ANKRD28: variants seen among roughly 807,000 people sequenced by gnomAD.
ANKRD28 encodes the protein ankyrin repeat domain 28.
In ANKRD28, 44 loss-of-function variants were observed where a neutral mutation model predicts 126.5. The ratio of observed to expected loss-of-function variants is 0.35; its 90% CI spans 0.27 to 0.45. The LOEUF is 0.45. Ranked by LOEUF, ANKRD28 falls within the 20% of genes least tolerant of loss-of-function variation. The pLI is 1.00. For missense variants in ANKRD28, 1,110 were observed against 1,316.6 expected, an observed-to-expected ratio of 0.84 and a Z score of 2.43; for synonymous variants, 442 against 468.5, an observed-to-expected ratio of 0.94 and a Z score of 0.73.
chr3:15,751,398 T>C (rs753344627), intron 4 of ANKRD28, among the ~76,000 whole-genome samples: 1 of 152,182 alleles, frequency 6.6e-6, no homozygotes, highest in Non-Finnish European at 1.5e-5. Context: ...TATTATACAC[T>C]GATGAGATTC....
rs2072225813 is a variant in ANKRD28 at position 15,711,196 on chromosome 3, A to G, written c.1337+15T>C. The G allele has an allele frequency of 1.3e-6, 2 of 1,599,658 alleles. No individual in the cohort carries two copies. Among genetic ancestry groups the G allele is most frequent in the South Asian group, 1.1e-5 (1 of 88,372 alleles). On this transcript the variant is annotated intron_variant, in intron 12 of 27. Transcript: ENST00000683139. ...GCTATCTTTTCTTAAAGAAATAAAA[A>G]TACTATTAACATACCCTCCAGCTGC...
chr3:15,700,977 T>A (rs1318729012), intron 14 of ANKRD28, among the ~76,000 whole-genome samples: 2 of 152,194 alleles, frequency 1.3e-5, no homozygotes, highest in African/African-American at 4.8e-5. Context: ...AATTATTCAG[T>A]GATAATTTGT....
intron 17 of ANKRD28, among the ~76,000 whole-genome samples, chr3:15,693,990 C>G (rs1480383948): frequency 6.6e-6 from 1 of 152,086 alleles, no homozygotes; most frequent in Non-Finnish European, 1.5e-5. Context: ...AAGCATTTTA[C>G]TAAAAATCAT....
In ANKRD28 at chr3:15,677,379, A is replaced by C. The variant is rs116098782; in HGVS notation, c.2790+101T>G. On this transcript the variant is annotated intron_variant, in intron 25 of 27. Coordinates refer to ENST00000683139, the MANE Select transcript of ANKRD28 (RefSeq NM_001349278.2). ...GAAATCTAATACCAGTGATCATTAG[A>C]GAGGTTTGGTCCTGAGTTGTTCATT... 1.8e-4 allele frequency: 145 copies of C among 792,882 alleles called. No individual in the cohort carries two copies. In the African/African-American group the frequency reaches 2.3e-3, roughly 13 times the overall value. The allele number at this position is 792,882 out of a possible 1,614,324, so 49.1% of individuals were successfully genotyped here. A position where few individuals can be genotyped will look rare whatever the true frequency, so the allele number is the denominator to read the frequency against.
chr3:15,760,320 A>G (rs572384260), intron 3 of ANKRD28, among the ~76,000 whole-genome samples: 1 of 152,312 alleles, frequency 6.6e-6, no homozygotes, highest in East Asian at 1.9e-4. Context: ...ACACCTGCGC[A>G]TGTACTCCTG....
At chr3:15,807,425 C>T (rs992297549) in intron 1 of ANKRD28, among the ~76,000 whole-genome samples, 1 of 152,120 alleles carries the variant, frequency 6.6e-6, no homozygotes, top group African/African-American at 2.4e-5. Flanking sequence ...AGGGTAATTG[C>T]AAGGAAATCA....
At chr3:15,672,675 A>C (rs566054704) in intron 27 of ANKRD28, among the ~76,000 whole-genome samples, 2 of 152,336 alleles carry the variant, frequency 1.3e-5, no homozygotes, top group South Asian at 4.1e-4. Flanking sequence ...AACCCATTAC[A>C]TAGGCCAGGA....
intron 8 of ANKRD28, among the ~76,000 whole-genome samples, chr3:15,720,224 A>G (rs1294286861): frequency 6.6e-6 from 1 of 152,204 alleles, no homozygotes; most frequent in Non-Finnish European, 1.5e-5. Flanking sequence ...CTAACAAAAA[A>G]AAACCAAAAA....
At chr3:15,849,769 A>G (rs1175255933) in intron 1 of ANKRD28, among the ~76,000 whole-genome samples, 1 of 152,124 alleles carries the variant, frequency 6.6e-6, no homozygotes, top group Non-Finnish European at 1.5e-5. Flanking sequence ...TTTTTCCTCA[A>G]ATTTATCATT....
chr3:15,706,046 A>AC (rs2071327377), intron 14 of ANKRD28, among the ~76,000 whole-genome samples: 1 of 95,434 alleles, frequency 1.0e-5, no homozygotes, highest in Non-Finnish European at 2.4e-5. Flanking sequence ...ACAAAAACAA[A>AC]CAAAAAACCC....
At chr3:15,848,603 A>G (rs1413193454) in intron 1 of ANKRD28, among the ~76,000 whole-genome samples, 4 of 152,040 alleles carry the variant, frequency 2.6e-5, no homozygotes, top group African/African-American at 9.7e-5. Context: ...TGAGCCCAGG[A>G]GGTCTAGGCT....
At chr3:15,735,589 T>G in intron 5 of ANKRD28, 92 bp from the exon 6 acceptor site, 5 of 965,840 alleles carry the variant, frequency 5.2e-6, no homozygotes, top group Non-Finnish European at 6.1e-6. Flanking sequence ...TCAACTTCTC[T>G]GGCACTAAAT....
At chr3:15,772,238 G>T (rs1195264119) in intron 2 of ANKRD28, among the ~76,000 whole-genome samples, 2 of 152,016 alleles carry the variant, frequency 1.3e-5, no homozygotes, top group South Asian at 4.1e-4. Context: ...CAAAAACAGA[G>T]TATCAGTGAA....
At chr3:15,743,051 T>G (rs375957892) in intron 4 of ANKRD28, among the ~76,000 whole-genome samples, 42 of 152,240 alleles carry the variant, frequency 2.8e-4, no homozygotes, top group Admixed American at 2.0e-3. Flanking sequence ...TTCTGCCTTG[T>G]GATCCTGTTG....
chr3:15,766,806 CAAAG>C (rs1222924378), intron 2 of ANKRD28, among the ~76,000 whole-genome samples: 2 of 152,078 alleles, frequency 1.3e-5, no homozygotes, highest in Non-Finnish European at 1.5e-5. Context: ...TCTAAAATGA[CAAAG>C]AAATAGCAAC....
chr3:15,765,880 C>T (rs1477050229), intron 3 of ANKRD28, among the ~76,000 whole-genome samples: 1 of 151,162 alleles, frequency 6.6e-6, no homozygotes, highest in African/African-American at 2.4e-5. Flanking sequence ...CAAAAAAACC[C>T]GCTACATATA....
chr3:15,733,726 A>G (rs963460121), intron 6 of ANKRD28, among the ~76,000 whole-genome samples: 5 of 152,224 alleles, frequency 3.3e-5, no homozygotes, highest in African/African-American at 1.2e-4. Flanking sequence ...ATTGGTAATG[A>G]GAGTGGGTTT....
chr3:15,772,609 C>T (rs1021314508), intron 2 of ANKRD28, among the ~76,000 whole-genome samples: 1 of 152,144 alleles, frequency 6.6e-6, no homozygotes, highest in Admixed American at 6.5e-5. Flanking sequence ...TATTAGCAGA[C>T]TAATAAAAAG....
chr3:15,748,489 C>T (rs6442546), intron 4 of ANKRD28, among the ~76,000 whole-genome samples: 110,132 of 152,022 alleles, frequency 0.72, 40,095 homozygotes, highest in East Asian at 0.93. Flanking sequence ...GGCAGATAAT[C>T]GTTTTGTTTA....
Sources: allele counts gnomAD v4.1 joint callset (sites outside exome capture counted in the v4.1 genomes callset), GRCh38; gene constraint gnomAD v4.1.1; transcripts MANE v1.5; gene names NCBI Gene and HGNC (gene_info 2026-07-23, HGNC 2026-07-21).